Variants in ZFPM2 observed in about 807,000 individuals in gnomAD.
The protein encoded by ZFPM2 is zinc finger protein, FOG family member 2.
ZFPM2 carries 20 observed loss-of-function variants against 98.6 expected under a neutral mutation model. The observed-to-expected ratio is 0.20, with a 90% CI of 0.14 to 0.29. The LOEUF (loss-of-function observed/expected upper bound fraction) is 0.29, where lower values mean the gene tolerates loss of function less well. Ranked by LOEUF, ZFPM2 falls within the 10% of genes least tolerant of loss-of-function variation. The pLI is 1.00. For missense variants in ZFPM2, 1,310 were observed against 1,388.6 expected, an observed-to-expected ratio of 0.94 and a Z score of 0.90; for synonymous variants, 518 against 502.7, an observed-to-expected ratio of 1.03 and a Z score of -0.41.
chr8:105,796,910 A>C (rs1489670414), intron 6 of ZFPM2: 1 of 152,236 alleles, frequency 6.6e-6, no homozygotes, highest in Non-Finnish European at 1.5e-5. Flanking sequence ...ATACAAGGTC[A>C]GATTTGGTCA....
chr8:105,334,984 A>G (rs1421279411), intron 1 of ZFPM2, among the ~76,000 whole-genome samples: 1 of 151,702 alleles, frequency 6.6e-6, no homozygotes, highest in Non-Finnish European at 1.5e-5. Context: ...TGGGGTTTGA[A>G]AGGATGCCCC....
At chr8:105,341,138 T>C (rs1812422047) in intron 1 of ZFPM2, among the ~76,000 whole-genome samples, 1 of 151,932 alleles carries the variant, frequency 6.6e-6, no homozygotes, top group South Asian at 2.1e-4. Context: ...TAAGTTGGGA[T>C]AATGTAGTTA....
intron 5 of ZFPM2, among the ~76,000 whole-genome samples, chr8:105,707,353 C>T (rs1811288753): frequency 6.6e-6 from 1 of 151,912 alleles, no homozygotes; most frequent in Non-Finnish European, 1.5e-5. Context: ...AATAATGTAC[C>T]ATACTAAATG....
At chr8:105,702,492 AGCAGGCT>A (rs1811161052) in intron 5 of ZFPM2, among the ~76,000 whole-genome samples, 1 of 152,238 alleles carries the variant, frequency 6.6e-6, no homozygotes, top group African/African-American at 2.4e-5. Flanking sequence ...TTTCTTCCAA[AGCAGGCT>A]TCAGTGCAAA....
intron 5 of ZFPM2, among the ~76,000 whole-genome samples, chr8:105,771,482 A>G (rs923825865): frequency 1.3e-5 from 2 of 152,192 alleles, no homozygotes; most frequent in African/African-American, 4.8e-5. Flanking sequence ...ATTGGAAACA[A>G]TGGTGTGCTC....
At chr8:105,376,108 G>A (rs1810719933) in intron 1 of ZFPM2, among the ~76,000 whole-genome samples, 2 of 152,044 alleles carry the variant, frequency 1.3e-5, no homozygotes, top group South Asian at 4.1e-4. Flanking sequence ...CCCTAACAGA[G>A]CTGTTACTTT....
In ZFPM2 at chr8:105,692,770, T is replaced by C. The variant is rs1315944429; in HGVS notation, c.532+58413T>C. On this transcript the variant is annotated intron_variant, in intron 5 of 7. Coordinates refer to ENST00000407775, the MANE Select transcript of ZFPM2 (RefSeq NM_012082.4). ...CTTGTATTCAAGAAATGGAAAATTGTTCAGGATGGAAGAAAATGTTTATGA... is the reference window on the plus strand; with the variant it reads ...CTTGTATTCAAGAAATGGAAAATTGCTCAGGATGGAAGAAAATGTTTATGA... 2.6e-5 allele frequency among the ~76,000 whole-genome samples: 4 copies of C among 152,158 alleles called. No homozygotes were observed. The East Asian group carries it at 7.7e-4, about 29-fold the overall frequency.
At chr8:105,547,923 A>G (rs1008417347) in intron 3 of ZFPM2, among the ~76,000 whole-genome samples, 11 of 152,124 alleles carry the variant, frequency 7.2e-5, no homozygotes, top group African/African-American at 2.2e-4. Context: ...CTTTTTGGCT[A>G]TGTAAGTATT....
intron 3 of ZFPM2, among the ~76,000 whole-genome samples, chr8:105,468,963 A>AT (rs1812845341): frequency 6.8e-6 from 1 of 146,726 alleles, no homozygotes; most frequent in African/African-American, 2.7e-5. Context: ...AATACAAAGC[A>AT]GTTTTTTTTT....
chr8:105,414,060 G>C (rs1328731447), intron 1 of ZFPM2, among the ~76,000 whole-genome samples: 2 of 152,050 alleles, frequency 1.3e-5, no homozygotes, highest in Admixed American at 1.3e-4. Flanking sequence ...ATCTCATTTT[G>C]CTAGGTGGCT....
At chr8:105,390,340 C>A (rs1213494772) in intron 1 of ZFPM2, among the ~76,000 whole-genome samples, 2 of 152,128 alleles carry the variant, frequency 1.3e-5, no homozygotes, top group Non-Finnish European at 2.9e-5. Flanking sequence ...TTATTTTAAA[C>A]AATAAAAAAG....
At chr8:105,396,435 GT>G (rs1811220156) in intron 1 of ZFPM2, among the ~76,000 whole-genome samples, 1 of 152,134 alleles carries the variant, frequency 6.6e-6, no homozygotes, top group African/African-American at 2.4e-5. Context: ...ATGGGGAAGA[GT>G]TGGATTCCTA....
chr8:105,598,867 A>C (rs529381830), intron 4 of ZFPM2, among the ~76,000 whole-genome samples: 1 of 152,292 alleles, frequency 6.6e-6, no homozygotes, highest in South Asian at 2.1e-4. Context: ...TATGAAGTCC[A>C]CTAATGCATT....
chr8:105,381,894 T>G (rs1418591719), intron 1 of ZFPM2, among the ~76,000 whole-genome samples: 2 of 152,110 alleles, frequency 1.3e-5, no homozygotes, highest in Non-Finnish European at 1.5e-5. Context: ...CAACATGATA[T>G]AGGCTATAAG....
chr8:105,485,469 G>A (rs1813213568), intron 3 of ZFPM2, among the ~76,000 whole-genome samples: 1 of 152,158 alleles, frequency 6.6e-6, no homozygotes, highest in African/African-American at 2.4e-5. Flanking sequence ...AATGAGCTAT[G>A]ATTGTGCCTC....
At chr8:105,419,495 A>G (rs539353947) in intron 2 of ZFPM2, among the ~76,000 whole-genome samples, 193 bp downstream of exon 2, 2 of 152,282 alleles carry the variant, frequency 1.3e-5, no homozygotes, top group East Asian at 3.9e-4. Context: ...GTAATTTTTT[A>G]TATTGAAACA....
At chr8:105,634,189 T>G (rs1816803549) in intron 4 of ZFPM2, 57 bp from the exon 5 acceptor site, 1 of 1,310,394 alleles carries the variant, frequency 7.6e-7, no homozygotes, top group Non-Finnish European at 1.1e-6. Context: ...CAGTTATTAT[T>G]CAAGTTTTTA....
In ZFPM2 at chr8:105,580,799, TTCTCTCTCTCTC is replaced by T. The variant is rs770366065; in HGVS notation, c.420+19336_420+19347del. ...GTAACAGTGCAAGTAATAATCATCA[TTCTCTCTCTCTC>T]TCTCTCTCTCTCTCTCTATATATAT... On this transcript the variant is annotated intron_variant, in intron 4 of 7. Coordinates refer to ENST00000407775, the MANE Select transcript of ZFPM2 (RefSeq NM_012082.4). Among the ~76,000 whole-genome samples the T allele has an allele frequency of 3.1e-4, 44 of 142,930 alleles. 1 individual carries two copies. The highest frequency in any genetic ancestry group is 5.9e-4 in the Non-Finnish European group (39 of 66,160). 93.8% of individuals were successfully genotyped at this position (142,930 alleles called of 152,430 possible).
At chr8:105,793,662 A>G (rs1253004556) in intron 6 of ZFPM2, among the ~76,000 whole-genome samples, 1 of 152,134 alleles carries the variant, frequency 6.6e-6, no homozygotes, top group African/African-American at 2.4e-5. Context: ...GTTCTCCTGG[A>G]TAATATCCTG....
Sources: allele counts gnomAD v4.1 joint callset (sites outside exome capture counted in the v4.1 genomes callset), GRCh38; gene constraint gnomAD v4.1.1; transcripts MANE v1.5; gene names NCBI Gene and HGNC (gene_info 2026-07-23, HGNC 2026-07-21).